STOX2: variants seen among roughly 807,000 people sequenced by gnomAD.
STOX2 encodes storkhead-box protein 2.
In STOX2, 28 loss-of-function variants were observed where a neutral mutation model predicts 60.9. The observed-to-expected ratio is 0.46, with a 90% confidence interval of 0.34 to 0.63. STOX2 has a LOEUF of 0.63. Ranked by LOEUF, STOX2 falls within the 30% of genes least tolerant of loss-of-function variation. STOX2 has a pLI of 0.01. For synonymous variants in STOX2, 472 were observed against 463.9 expected (o/e 1.02, Z -0.22); for missense variants, 1,024 against 1,187.7 (o/e 0.86, Z 2.03).
chr4:183,816,146 G>T (rs1236405451), intron 1 of STOX2, among the ~76,000 whole-genome samples: 1 of 152,228 alleles, frequency 6.6e-6, no homozygotes, highest in African/African-American at 2.4e-5. Context: ...AATGTATATT[G>T]TGAAGAGTAA....
rs937751477 is a variant in STOX2 at position 183,906,646 on chromosome 4, T to C, written c.-145T>C. On this transcript the variant is annotated 5_prime_UTR_variant, in exon 1 of 4. Coordinates refer to ENST00000308497, the MANE Select transcript of STOX2 (RefSeq NM_020225.3). ...GCGTGGGGAGGGCCGGACCCGCCGCTGGCGGTGTAGACGCCGACGAGGAGG... is the reference window on the plus strand; with the variant it reads ...GCGTGGGGAGGGCCGGACCCGCCGCCGGCGGTGTAGACGCCGACGAGGAGG... 8.2e-5 allele frequency: 75 copies of C among 910,300 alleles called. No homozygotes were observed. The African/African-American group carries it at 1.0e-3, about 13-fold the overall frequency. 56.4% of individuals were successfully genotyped at this position (910,300 alleles called of 1,614,324 possible).
At chr4:183,886,808 AC>A (rs141036187) in intron 1 of STOX2, among the ~76,000 whole-genome samples, 87 of 152,230 alleles carry the variant, frequency 5.7e-4, no homozygotes, top group Non-Finnish European at 6.9e-4. Flanking sequence ...CTTAAAAACA[AC>A]CCCACTCTGC....
chr4:183,954,107 T>C (rs907636768), intron 1 of STOX2, among the ~76,000 whole-genome samples: 12 of 152,112 alleles, frequency 7.9e-5, no homozygotes, highest in Non-Finnish European at 1.0e-4. Context: ...AAACTAATTT[T>C]TGTAATTAAT....
intron 1 of STOX2, among the ~76,000 whole-genome samples, chr4:183,891,992 A>T (rs1382304283): frequency 6.6e-6 from 1 of 152,204 alleles, no homozygotes; most frequent in African/African-American, 2.4e-5. Context: ...TCAATAGGAC[A>T]GGCCGGCGGT....
chr4:183,843,181 A>G (rs1371274437), intron 1 of STOX2, among the ~76,000 whole-genome samples: 1 of 151,920 alleles, frequency 6.6e-6, no homozygotes, highest in African/African-American at 2.4e-5. Context: ...AAAAAGAAAA[A>G]GAAAAATGTT....
At chr4:183,911,998 A>T (rs1741794905) in intron 1 of STOX2, among the ~76,000 whole-genome samples, 1 of 152,210 alleles carries the variant, frequency 6.6e-6, no homozygotes, top group African/African-American at 2.4e-5. Context: ...TTAAGTAGGG[A>T]GTACACTTTT....
chr4:183,933,969 G>A (rs2111119351), intron 1 of STOX2, among the ~76,000 whole-genome samples: 1 of 152,234 alleles, frequency 6.6e-6, no homozygotes, highest in Middle Eastern at 3.4e-3. Flanking sequence ...AAGATGTGCT[G>A]GAAGAATTAA....
chr4:183,953,660 A>C (rs1188651961), intron 1 of STOX2, among the ~76,000 whole-genome samples: 1 of 150,254 alleles, frequency 6.7e-6, no homozygotes, highest in Non-Finnish European at 1.5e-5. Context: ...CCGCCTCCCG[A>C]GTTCAAACAA....
intron 1 of STOX2, among the ~76,000 whole-genome samples, chr4:183,995,725 C>T (rs1733311495): frequency 6.6e-6 from 1 of 152,200 alleles, no homozygotes. Context: ...GGGGCAGTGC[C>T]TCGTCACCGT....
At chr4:183,908,733 A>T (rs1741694786) in intron 1 of STOX2, among the ~76,000 whole-genome samples, 2 of 151,554 alleles carry the variant, frequency 1.3e-5, no homozygotes, top group African/African-American at 4.9e-5. Context: ...ATTGTACTTG[A>T]TTCCCTTATT....
intron 1 of STOX2, among the ~76,000 whole-genome samples, chr4:183,912,816 A>G (rs148316825): frequency 2.0e-5 from 3 of 152,300 alleles, no homozygotes; most frequent in Non-Finnish European, 4.4e-5. Context: ...TGACTAAAAC[A>G]TGACTTCTTA....
In STOX2 at chr4:183,859,567, C is replaced by T. The variant is rs75311062; in HGVS notation, c.364+61512C>T. On this transcript the variant is annotated intron_variant, in intron 1 of 2. Coordinates refer to the STOX2 transcript ENST00000513034. ...GTGTGGCTTGGCATGACAGAGGCGG[C>T]GGGGCCAGGGTATGAACAGGCTTAC... Among the ~76,000 whole-genome samples the T allele has an allele frequency of 2.0e-4, 31 of 152,256 alleles. 1 individual carries two copies. Among genetic ancestry groups the T allele is most frequent in the East Asian group, 5.8e-4 (3 of 5,170 alleles).
At chr4:183,935,953 A>T (rs1178647855) in intron 1 of STOX2, among the ~76,000 whole-genome samples, 1 of 152,194 alleles carries the variant, frequency 6.6e-6, no homozygotes, top group Non-Finnish European at 1.5e-5. Flanking sequence ...AGCATCCTAA[A>T]TTTTTTTGTT....
chr4:183,859,931 A>G (rs938232653), intron 1 of STOX2, among the ~76,000 whole-genome samples: 3 of 152,108 alleles, frequency 2.0e-5, no homozygotes, highest in African/African-American at 7.2e-5. Flanking sequence ...AGATTAGATT[A>G]GATTAGATAT....
At chr4:183,849,072 C>G (rs990257088) in intron 1 of STOX2, among the ~76,000 whole-genome samples, 1 of 152,152 alleles carries the variant, frequency 6.6e-6, no homozygotes, top group Non-Finnish European at 1.5e-5. Context: ...TAGTAGATTC[C>G]AAGCATCAAA....
chr4:183,987,218 T>C (rs758834289), intron 1 of STOX2, among the ~76,000 whole-genome samples: 27 of 152,216 alleles, frequency 1.8e-4, no homozygotes, highest in Non-Finnish European at 3.5e-4. Flanking sequence ...GTGGCTGCTC[T>C]ACTCCTTCCA....
At chr4:183,967,290 C>T (rs59739701) in intron 1 of STOX2, among the ~76,000 whole-genome samples, 7 of 150,934 alleles carry the variant, frequency 4.6e-5, no homozygotes, top group South Asian at 2.1e-4. Flanking sequence ...TGCCTGAACC[C>T]GGGAGGCGGA....
At chr4:183,838,481 A>G (rs1309702704) in intron 1 of STOX2, among the ~76,000 whole-genome samples, 1 of 152,188 alleles carries the variant, frequency 6.6e-6, no homozygotes, top group African/African-American at 2.4e-5. Flanking sequence ...ATTATAAATT[A>G]CATCGAGATG....
At chr4:183,893,897 C>A (rs1404033699) in intron 1 of STOX2, among the ~76,000 whole-genome samples, 11 of 152,194 alleles carry the variant, frequency 7.2e-5, no homozygotes. Context: ...TAAAAAACAT[C>A]CTAGTTGGCT....
Sources: gnomAD v4.1 joint callset for allele counts (sites outside exome capture counted in the v4.1 genomes callset) on GRCh38, gnomAD v4.1.1 for gene constraint, MANE v1.5 for transcripts, NCBI Gene and HGNC (gene_info 2026-07-23, HGNC 2026-07-21) for gene names.